The following PRKAG2 variants were observed in gnomAD, a reference collection of about 807,000 sequenced individuals.
PRKAG2 encodes the protein 5'-AMP-activated protein kinase subunit gamma-2.
PRKAG2 carries 26 observed loss-of-function variants against 69.6 expected under a neutral mutation model. The ratio of observed to expected loss-of-function variants is 0.37; its 90% CI spans 0.27 to 0.52. The LOEUF is 0.52. Ranked by LOEUF, PRKAG2 falls within the 20% of genes least tolerant of loss-of-function variation. The pLI is 0.90. For missense variants in PRKAG2, 557 were observed against 740.0 expected, an observed-to-expected ratio of 0.75 and a Z score of 2.87; for synonymous variants, 293 against 285.0, an observed-to-expected ratio of 1.03 and a Z score of -0.28.
intron 1 of PRKAG2, among the ~76,000 whole-genome samples, chr7:151,859,594 G>A (rs948891389): frequency 6.6e-5 from 10 of 152,294 alleles, no homozygotes; most frequent in Middle Eastern, 3.4e-3. Flanking sequence ...GTAATCTGGC[G>A]GCAGCTGCCT....
chr7:151,803,448 AC>A (rs932842876), intron 1 of PRKAG2, among the ~76,000 whole-genome samples: 1 of 152,164 alleles, frequency 6.6e-6, no homozygotes, highest in African/African-American at 2.4e-5. Context: ...AGTGGCTCAC[AC>A]CATTCCTTCC....
chr7:151,819,656 C>T (rs2374300), intron 1 of PRKAG2, among the ~76,000 whole-genome samples: 28,582 of 152,152 alleles, frequency 0.19, 2,821 homozygotes, highest in South Asian at 0.26. Context: ...AACAAACCAA[C>T]CCCCGCAAAG....
intron 3 of PRKAG2, among the ~76,000 whole-genome samples, chr7:151,727,253 A>G (rs1798138391): frequency 6.6e-6 from 1 of 152,020 alleles, no homozygotes; most frequent in Non-Finnish European, 1.5e-5. Flanking sequence ...ACCGATACTC[A>G]ATGGTATTTG....
At chr7:151,676,331 T>G (rs1208515356) in intron 3 of PRKAG2, among the ~76,000 whole-genome samples, 2 of 151,902 alleles carry the variant, frequency 1.3e-5, no homozygotes, top group Non-Finnish European at 2.9e-5. Context: ...ACATCACCAC[T>G]GTAAGTTCCC....
At chr7:151,815,015 C>G in intron 1 of PRKAG2, 1 of 247,692 alleles carries the variant, frequency 4.0e-6, no homozygotes, top group Non-Finnish European at 6.4e-6. Context: ...GCCAGCACAA[C>G]CCCTGCACTG....
chr7:151,854,767 C>T (rs2079661997), intron 1 of PRKAG2, among the ~76,000 whole-genome samples: 1 of 152,146 alleles, frequency 6.6e-6, no homozygotes, highest in Admixed American at 6.5e-5. Context: ...GTGATTCTCA[C>T]ACAACGGCCT....
intron 9 of PRKAG2, 128 bp from the exon 10 acceptor site, chr7:151,570,353 T>G: frequency 9.3e-7 from 1 of 1,073,156 alleles, no homozygotes; most frequent in Non-Finnish European, 1.3e-6. Context: ...AAAAAGAAAT[T>G]TAATTTGCCT....
chr7:151,833,129 G>A (rs896412703), intron 1 of PRKAG2, among the ~76,000 whole-genome samples: 12 of 152,220 alleles, frequency 7.9e-5, no homozygotes, highest in Admixed American at 1.3e-4. Context: ...ATTTCATTCC[G>A]GTAAGAACTG....
intron 4 of PRKAG2, among the ~76,000 whole-genome samples, chr7:151,647,873 T>G (rs1399871891): frequency 6.6e-6 from 1 of 152,156 alleles, no homozygotes. Flanking sequence ...GTCTTTACAA[T>G]GAATGTAAAA....
intron 5 of PRKAG2, among the ~76,000 whole-genome samples, chr7:151,620,533 A>C (rs1821239345): frequency 6.6e-6 from 1 of 151,812 alleles, no homozygotes; most frequent in Non-Finnish European, 1.5e-5. Context: ...GCTAGAGTGC[A>C]GTGGCATGAT....
At chr7:151,666,919 C>T (rs1831130363) in intron 4 of PRKAG2, among the ~76,000 whole-genome samples, 1 of 152,198 alleles carries the variant, frequency 6.6e-6, no homozygotes, top group African/African-American at 2.4e-5. Flanking sequence ...TTCCATGGTG[C>T]ACTACCCAGA....
chr7:151,785,526 C>T (rs996575415), intron 2 of PRKAG2, among the ~76,000 whole-genome samples: 3 of 152,234 alleles, frequency 2.0e-5, no homozygotes, highest in Non-Finnish European at 2.9e-5. Context: ...CACAGGCCGA[C>T]ACCAATTTGA....
At position 151,627,930 on chromosome 7, in the gene PRKAG2, C is replaced by G. The variant is rs143667359; in HGVS notation, c.754+4139G>C. 1.7e-3 allele frequency among the ~76,000 whole-genome samples: 264 copies of G among 152,262 alleles called. 2 individuals are homozygous for G. The highest frequency in any genetic ancestry group is 0.017 in the Middle Eastern group (5 of 294). ...CTTCCTGCCTCTGCCTCCCAAAGTG[C>G]TGGGATTACAATGGTGAGCCGCCAC... On this transcript the variant is annotated intron_variant, in intron 5 of 15. Transcript: ENST00000287878.
At chr7:151,648,854 T>TA (rs994916305) in intron 4 of PRKAG2, among the ~76,000 whole-genome samples, 2 of 151,842 alleles carry the variant, frequency 1.3e-5, no homozygotes, top group Non-Finnish European at 2.9e-5. Context: ...CCCGTCTCTT[T>TA]AAAAAACAGA....
Position 151,567,254 on chromosome 7 carries a change from C to G in PRKAG2, c.1234-1369G>C, listed in dbSNP as rs959041801. ...GGAGAAAAGCATGGGGAGTGAGGAA[C>G]GCTTGAAAGGGATCCTGGCTCTACC... On this transcript the variant is annotated intron_variant, in intron 11 of 15. Transcript: ENST00000287878. The surrounding 1 kb of genome is among the most constrained non-coding windows in gnomAD (Gnocchi z 4.2). 1.3e-5 allele frequency among the ~76,000 whole-genome samples: 2 copies of G among 152,132 alleles called. No homozygotes were observed. The highest frequency in any genetic ancestry group is 2.9e-5 in the Non-Finnish European group (2 of 68,004).
intron 1 of PRKAG2, among the ~76,000 whole-genome samples, chr7:151,866,447 G>A (rs1454483439): frequency 6.6e-6 from 1 of 152,226 alleles, no homozygotes; most frequent in East Asian, 1.9e-4. Context: ...GATAAAGAGA[G>A]ACGGCTCATA....
At chr7:151,606,320 T>A (rs1222536648) in intron 5 of PRKAG2, among the ~76,000 whole-genome samples, 3 of 152,256 alleles carry the variant, frequency 2.0e-5, no homozygotes, top group Non-Finnish European at 2.9e-5. Context: ...ACGTTCCTTT[T>A]TAATGTCGCT....
In PRKAG2 at chr7:151,574,874, G is replaced by A; in HGVS notation, c.1005+17C>T. 1 of 1,613,526 alleles carries A rather than the reference G, an allele frequency of 6.2e-7. No homozygotes were observed. Among genetic ancestry groups the A allele is most frequent in the South Asian group, 1.1e-5 (1 of 91,064 alleles). On this transcript the variant is annotated intron_variant, in intron 8 of 15. Transcript: ENST00000287878. ...CGTACAGCTCCAACTACTGACATAG[G>A]AACTGGTGCCACTTACCATAGGTGA...
chr7:151,606,543 C>T (rs75070518), intron 5 of PRKAG2, among the ~76,000 whole-genome samples: 12 of 152,038 alleles, frequency 7.9e-5, no homozygotes, highest in East Asian at 1.9e-4. Context: ...TCCTTGGCCG[C>T]GTGCGGTGGC....
Sources: gnomAD v4.1 joint callset for allele counts (sites outside exome capture counted in the v4.1 genomes callset) on GRCh38, gnomAD v4.1.1 for gene constraint, Gnocchi (gnomAD v3.1) non-coding constraint, MANE v1.5 for transcripts, NCBI Gene and HGNC (gene_info 2026-07-23, HGNC 2026-07-21) for gene names.